GRID2: variants seen among roughly 807,000 people sequenced by gnomAD.
GRID2 encodes the protein glutamate ionotropic receptor delta type subunit 2.
Under a neutral mutation model 114.8 loss-of-function variants are expected in GRID2, and 33 were observed. That is an observed-to-expected ratio of 0.29 (90% confidence interval 0.22 to 0.38). The LOEUF is 0.38. GRID2 is among the 10% of genes least tolerant of loss of function. GRID2 has a pLI of 1.00. For missense variants in GRID2, 1,184 were observed against 1,257.7 expected, an observed-to-expected ratio of 0.94 and a Z score of 0.89; for synonymous variants, 505 against 449.9, an observed-to-expected ratio of 1.12 and a Z score of -1.55.
intron 2 of GRID2, among the ~76,000 whole-genome samples, chr4:92,951,223 G>T (rs541982114): frequency 6.6e-6 from 1 of 152,022 alleles, no homozygotes; most frequent in African/African-American, 2.4e-5. Context: ...CATTTTAAAT[G>T]AGCCTTAAGT....
intron 1 of GRID2, among the ~76,000 whole-genome samples, chr4:92,366,551 T>C (rs1728874831): frequency 6.6e-6 from 1 of 151,962 alleles, no homozygotes. Context: ...CCTTGGGAAT[T>C]AGTAGTTCCC....
chr4:92,355,629 TAACA>T (rs1267584782), intron 1 of GRID2, among the ~76,000 whole-genome samples: 2 of 151,860 alleles, frequency 1.3e-5, no homozygotes, highest in African/African-American at 2.4e-5. Flanking sequence ...GCTGCTTTCC[TAACA>T]GAGTGTTTTT....
intron 2 of GRID2, among the ~76,000 whole-genome samples, chr4:92,627,805 C>T (rs1358149082): frequency 2.0e-5 from 3 of 152,098 alleles, no homozygotes; most frequent in South Asian, 2.1e-4. Flanking sequence ...TTCACTATTA[C>T]TTTATTAAAC....
intron 14 of GRID2, among the ~76,000 whole-genome samples, chr4:93,725,594 C>A (rs1729796308): frequency 1.3e-5 from 2 of 150,862 alleles, no homozygotes; most frequent in Admixed American, 1.3e-4. Flanking sequence ...GTTGACAGTC[C>A]CACCAACAGT....
chr4:92,440,437 A>G (rs1732984986), intron 1 of GRID2, among the ~76,000 whole-genome samples: 1 of 151,734 alleles, frequency 6.6e-6, no homozygotes, highest in Non-Finnish European at 1.5e-5. Flanking sequence ...CTAGACTAAG[A>G]GGTATTTCAG....
intron 2 of GRID2, among the ~76,000 whole-genome samples, chr4:92,905,561 CT>C (rs1476211336): frequency 6.6e-6 from 1 of 151,972 alleles, no homozygotes; most frequent in Non-Finnish European, 1.5e-5. Flanking sequence ...GAGGAGTATG[CT>C]GTCCAATATG....
chr4:92,410,064 C>T (rs902181935), intron 1 of GRID2, among the ~76,000 whole-genome samples: 1 of 152,136 alleles, frequency 6.6e-6, no homozygotes, highest in Non-Finnish European at 1.5e-5. Context: ...TTTGATGTAT[C>T]TCTTCAGCCT....
chr4:93,140,315 C>T (rs1463251244), intron 4 of GRID2, among the ~76,000 whole-genome samples: 1 of 151,914 alleles, frequency 6.6e-6, no homozygotes, highest in South Asian at 2.1e-4. Flanking sequence ...CCCACCACTA[C>T]GCCTGGCTAA....
intron 14 of GRID2, among the ~76,000 whole-genome samples, chr4:93,670,925 G>A (rs761225057): frequency 1.1e-4 from 16 of 152,146 alleles, no homozygotes; most frequent in East Asian, 1.9e-4. Flanking sequence ...CCCAGTGTGC[G>A]TTTGCTTTAT....
chr4:93,090,282 A>G (rs1730670346), intron 3 of GRID2, among the ~76,000 whole-genome samples: 1 of 152,178 alleles, frequency 6.6e-6, no homozygotes, highest in Non-Finnish European at 1.5e-5. Flanking sequence ...CTGAACAAAT[A>G]CTATGAACCA....
At chr4:92,354,603 T>C (rs186159794) in intron 1 of GRID2, among the ~76,000 whole-genome samples, 85 of 152,118 alleles carry the variant, frequency 5.6e-4, no homozygotes, top group African/African-American at 1.9e-3. Flanking sequence ...CAGTAGTAAA[T>C]ATGAATTAGT....
intron 13 of GRID2, among the ~76,000 whole-genome samples, chr4:93,535,311 G>A (rs1162408380): frequency 1.3e-5 from 2 of 150,166 alleles, no homozygotes; most frequent in African/African-American, 2.4e-5. Context: ...CAGACATTTT[G>A]GTTGTTTCCG....
intron 4 of GRID2, among the ~76,000 whole-genome samples, chr4:93,154,305 C>CG (rs1317868504): frequency 6.6e-6 from 1 of 151,998 alleles, no homozygotes; most frequent in Non-Finnish European, 1.5e-5. Flanking sequence ...TCCCCACCAC[C>CG]ACCCTAACAC....
chr4:93,303,542 A>C (rs2149172218), intron 8 of GRID2, among the ~76,000 whole-genome samples: 1 of 152,320 alleles, frequency 6.6e-6, no homozygotes, highest in South Asian at 2.1e-4. Flanking sequence ...AGCATTGAGT[A>C]ATATCAGGCT....
At chr4:93,611,680 T>G (rs367794285) in intron 13 of GRID2, among the ~76,000 whole-genome samples, 1 of 109,616 alleles carries the variant, frequency 9.1e-6, no homozygotes, top group African/African-American at 4.5e-5. Flanking sequence ...GTCTGAGAGA[T>G]AGTTTGTTAT....
chr4:93,247,347 G>A (rs1166336039), intron 8 of GRID2, among the ~76,000 whole-genome samples: 2 of 152,222 alleles, frequency 1.3e-5, no homozygotes, highest in Admixed American at 6.6e-5. Flanking sequence ...TTTAATTGGC[G>A]TACTGGGTAA....
Position 93,524,847 on chromosome 4 carries a change from A to ATATG in GRID2, c.2193+9440_2193+9443dup, listed in dbSNP as rs1164306875. 1.4e-4 allele frequency among the ~76,000 whole-genome samples: 17 copies of ATATG among 122,300 alleles called. No individual in the cohort carries two copies. The South Asian group carries it at 3.1e-3, about 22-fold the overall frequency. The allele number at this position is 122,300 out of a possible 152,430, so 80.2% of individuals were successfully genotyped here. A position where few individuals can be genotyped will look rare whatever the true frequency, so the allele number is the denominator to read the frequency against. Reference sequence around the variant, plus strand: ...TGTATATATATATATATATATATATATATGTATACAAATTCTGTGAATTAT... The same window carrying ATATG: ...TGTATATATATATATATATATATATATATGTATGTATACAAATTCTGTGAATTAT... On this transcript the variant is annotated intron_variant, in intron 13 of 15. Transcript: ENST00000282020.
chr4:92,945,180 G>A (rs1486115061), intron 2 of GRID2, among the ~76,000 whole-genome samples: 3 of 152,080 alleles, frequency 2.0e-5, no homozygotes, highest in African/African-American at 7.2e-5. Flanking sequence ...AATCATGCAT[G>A]TAAGATTTAA....
intron 13 of GRID2, among the ~76,000 whole-genome samples, chr4:93,563,539 A>C (rs974976180): frequency 5.9e-5 from 9 of 152,146 alleles, no homozygotes; most frequent in Admixed American, 1.3e-4. Context: ...CCCACTGTTG[A>C]AGATATGTAT....
Sources: gnomAD v4.1 joint callset for allele counts (sites outside exome capture counted in the v4.1 genomes callset) on GRCh38, gnomAD v4.1.1 for gene constraint, MANE v1.5 for transcripts, NCBI Gene and HGNC (gene_info 2026-07-23, HGNC 2026-07-21) for gene names.